Variants in RNF144A observed in about 807,000 individuals in gnomAD.
RNF144A encodes the protein E3 ubiquitin-protein ligase RNF144A.
RNF144A carries 11 observed loss-of-function variants against 38.7 expected under a neutral mutation model. That is an observed-to-expected ratio of 0.28 (90% CI 0.18 to 0.47). The LOEUF (loss-of-function observed/expected upper bound fraction) is 0.47, where lower values mean the gene tolerates loss of function less well. RNF144A is among the 20% of genes least tolerant of loss of function. The probability of loss-of-function intolerance (pLI) is 0.99; values close to 1 mark genes in which losing one functional copy is unlikely to be tolerated. For missense variants in RNF144A, 316 were observed against 377.2 expected (o/e 0.84, Z 1.34); for synonymous variants, 149 against 143.9 (o/e 1.04, Z -0.25).
chr2:6,970,577 C>A (rs185548116), intron 2 of RNF144A, among the ~76,000 whole-genome samples: 1 of 152,224 alleles, frequency 6.6e-6, no homozygotes, highest in Admixed American at 6.5e-5. Context: ...CAAAACACTT[C>A]TGTCCCAAGC....
intron 3 of RNF144A, among the ~76,000 whole-genome samples, chr2:6,998,282 T>G (rs1669892346): frequency 6.6e-6 from 1 of 152,210 alleles, no homozygotes; most frequent in Non-Finnish European, 1.5e-5. Flanking sequence ...ACTCGAACAG[T>G]CTCTCCCACC....
At chr2:7,014,300 C>G (rs1210089945) in intron 3 of RNF144A, among the ~76,000 whole-genome samples, 154 bp from the exon 4 acceptor site, 1 of 152,178 alleles carries the variant, frequency 6.6e-6, no homozygotes, top group East Asian at 1.9e-4. Flanking sequence ...AATAAAACCT[C>G]AAAACCTCAA....
downstream of RNF144A, among the ~76,000 whole-genome samples, chr2:7,046,869 AT>A (rs1302234464): frequency 6.6e-6 from 1 of 152,180 alleles, no homozygotes; most frequent in Non-Finnish European, 1.5e-5. Flanking sequence ...TTTAAAATAT[AT>A]TTTTATTTAT....
the RNF144A span, among the ~76,000 whole-genome samples, chr2:7,075,254 G>A: frequency 6.6e-6 from 1 of 151,670 alleles, no homozygotes; most frequent in Non-Finnish European, 1.5e-5. Flanking sequence ...GGCAGCTGGG[G>A]CCTCAGCTGG....
At chr2:7,034,205 GA>G (rs1387228564) in intron 8 of RNF144A, among the ~76,000 whole-genome samples, 2 of 151,864 alleles carry the variant, frequency 1.3e-5, no homozygotes, top group African/African-American at 4.8e-5. Flanking sequence ...TTTGAAGGCA[GA>G]AGTTGCAGTG....
chr2:6,939,099 T>A (rs1166206581), intron 1 of RNF144A, among the ~76,000 whole-genome samples: 1 of 152,210 alleles, frequency 6.6e-6, no homozygotes, highest in Non-Finnish European at 1.5e-5. Flanking sequence ...GGTGTTTACC[T>A]AGGTGTGGAA....
intron 5 of RNF144A, among the ~76,000 whole-genome samples, chr2:7,017,148 C>G (rs1671191552): frequency 6.6e-6 from 1 of 152,114 alleles, no homozygotes; most frequent in Admixed American, 6.5e-5. Context: ...CCTCTGAGAC[C>G]CAGCGGTGCT....
intron 5 of RNF144A, among the ~76,000 whole-genome samples, chr2:7,020,098 G>T (rs539619514): frequency 6.6e-6 from 1 of 152,316 alleles, no homozygotes; most frequent in East Asian, 1.9e-4. Context: ...AGCGCCATGT[G>T]CATTGCTCAG....
At chr2:6,974,493 C>G (rs1023087451) in intron 2 of RNF144A, among the ~76,000 whole-genome samples, 2 of 151,996 alleles carry the variant, frequency 1.3e-5, no homozygotes, top group African/African-American at 4.8e-5. Context: ...AGTTGGTGCA[C>G]CTAGTAAGAT....
intron 2 of RNF144A, among the ~76,000 whole-genome samples, chr2:6,983,203 T>A (rs1308148008): frequency 6.6e-6 from 1 of 152,228 alleles, no homozygotes; most frequent in Non-Finnish European, 1.5e-5. Context: ...TCCTTCCTTG[T>A]GTGAGCTGTT....
chr2:7,051,639 A>G (rs1466962649), intron 6 of RNF144A, among the ~76,000 whole-genome samples: 1 of 152,240 alleles, frequency 6.6e-6, no homozygotes, highest in East Asian at 1.9e-4. Flanking sequence ...CTGTAATCCC[A>G]GCACTTTGGG....
chr2:7,073,009 C>T (rs539326003), downstream of RNF144A, among the ~76,000 whole-genome samples: 1 of 152,304 alleles, frequency 6.6e-6, no homozygotes, highest in South Asian at 2.1e-4. Context: ...CTGTCCCATA[C>T]ATACCATGAG....
At chr2:6,948,086 G>A (rs1301106178) in intron 2 of RNF144A, among the ~76,000 whole-genome samples, 1 of 152,216 alleles carries the variant, frequency 6.6e-6, no homozygotes, top group Non-Finnish European at 1.5e-5. Flanking sequence ...CATGCTGCAC[G>A]GTGGAAACTC....
At chr2:7,029,626 A>G (rs1672148024) in intron 7 of RNF144A, among the ~76,000 whole-genome samples, 1 of 152,188 alleles carries the variant, frequency 6.6e-6, no homozygotes, top group Non-Finnish European at 1.5e-5. Context: ...ATGGAGGGGG[A>G]TGGATCAGCA....
chr2:7,049,876 G>A (rs1029548106), intron 6 of RNF144A, among the ~76,000 whole-genome samples: 3 of 152,186 alleles, frequency 2.0e-5, no homozygotes, highest in South Asian at 2.1e-4. Flanking sequence ...CTCAGAAGGC[G>A]AGGCTAACAC....
chr2:6,939,535 C>G (rs1157418884), intron 1 of RNF144A, among the ~76,000 whole-genome samples: 1 of 152,158 alleles, frequency 6.6e-6, no homozygotes, highest in African/African-American at 2.4e-5. Flanking sequence ...TGTCTTTTTA[C>G]TCTCTTGATG....
At chr2:7,032,969 G>A (rs948491439) in intron 8 of RNF144A, among the ~76,000 whole-genome samples, 2 of 152,250 alleles carry the variant, frequency 1.3e-5, no homozygotes, top group Admixed American at 6.5e-5. Flanking sequence ...CGGGGGACCC[G>A]GCATTTGCAC....
chr2:7,003,986 A>C (rs1050535853), intron 3 of RNF144A, among the ~76,000 whole-genome samples: 2 of 152,242 alleles, frequency 1.3e-5, no homozygotes, highest in African/African-American at 4.8e-5. Context: ...ATTAGCTCCC[A>C]AACTAATGAA....
downstream of RNF144A, chr2:7,068,328 C>A: frequency 1.9e-6 from 2 of 1,052,796 alleles, no homozygotes; most frequent in Non-Finnish European, 2.6e-6. Flanking sequence ...CAGAGTAATT[C>A]ATTTGGGTAG....
Sources: allele counts gnomAD v4.1 joint callset (sites outside exome capture counted in the v4.1 genomes callset), GRCh38; gene constraint gnomAD v4.1.1; transcripts MANE v1.5; gene names NCBI Gene and HGNC (gene_info 2026-07-23, HGNC 2026-07-21).